Variants in CNBD1 observed in about 807,000 individuals in gnomAD.
The protein encoded by CNBD1 is cyclic nucleotide-binding domain-containing protein 1.
Under a neutral mutation model 54.4 loss-of-function variants are expected in CNBD1, and 71 were observed. That is an observed-to-expected ratio of 1.30 (90% CI 1.08 to 1.59). CNBD1 has a LOEUF of 1.59. Among genes scored for constraint, CNBD1 ranks in the 40% most tolerant of loss-of-function variants. The pLI is 0.00. For missense variants in CNBD1, 659 were observed against 518.0 expected (o/e 1.27, Z -2.64); for synonymous variants, 182 against 170.7 (o/e 1.07, Z -0.51).
intron 5 of CNBD1, among the ~76,000 whole-genome samples, chr8:87,234,774 A>G (rs1807537824): frequency 6.6e-6 from 1 of 152,134 alleles, no homozygotes; most frequent in South Asian, 2.1e-4. Context: ...GCTGACCTGC[A>G]TGTCACCATC....
intron 10 of CNBD1, among the ~76,000 whole-genome samples, chr8:87,364,592 G>T (rs115810697): frequency 6.6e-6 from 1 of 151,592 alleles, no homozygotes; most frequent in Non-Finnish European, 1.5e-5. Flanking sequence ...TGTCACCTAG[G>T]TATCAAGCCT....
downstream of CNBD1, among the ~76,000 whole-genome samples, chr8:87,385,663 C>A (rs1423343023): frequency 2.0e-5 from 3 of 152,116 alleles, no homozygotes; most frequent in African/African-American, 7.2e-5. Context: ...AGGAGGCCTA[C>A]CTGCCTCTGT....
In CNBD1 at chr8:87,342,735, A is replaced by G. The variant is rs948154101; in HGVS notation, c.1043-8950A>G. Among the ~76,000 whole-genome samples, 4 of 152,160 alleles carry G rather than the reference A, an allele frequency of 2.6e-5. No individual in the cohort carries two copies. In the East Asian group the frequency reaches 7.8e-4, roughly 30 times the overall value. On this transcript the variant is annotated intron_variant, in intron 8 of 10. Transcript: ENST00000518476. Reference sequence around the variant, plus strand: ...TTTTTATTAGGGATTTCAGAAGGGGAGGGGGCACACGAACAGGGAGTAGGT... The same window carrying G: ...TTTTTATTAGGGATTTCAGAAGGGGGGGGGGCACACGAACAGGGAGTAGGT...
chr8:87,144,847 G>A (rs1191120212), intron 4 of CNBD1, among the ~76,000 whole-genome samples: 1 of 150,930 alleles, frequency 6.6e-6, no homozygotes, highest in Non-Finnish European at 1.5e-5. Flanking sequence ...AAATACTTGA[G>A]TGAAAAAGAT....
chr8:87,243,193 T>C (rs1265519800), intron 6 of CNBD1, among the ~76,000 whole-genome samples: 2 of 152,208 alleles, frequency 1.3e-5, no homozygotes, highest in Non-Finnish European at 2.9e-5. Context: ...ATCAGATATC[T>C]AGAGAAAATT....
intron 2 of CNBD1, among the ~76,000 whole-genome samples, chr8:86,897,489 AACT>A (rs940568263): frequency 3.3e-5 from 5 of 152,162 alleles, no homozygotes; most frequent in Admixed American, 6.5e-5. Context: ...GATAGGCTAG[AACT>A]GCTAAGAAGG....
intron 4 of CNBD1, among the ~76,000 whole-genome samples, chr8:87,040,423 C>CTTTTTTT (rs71277911): frequency 6.2e-5 from 8 of 129,386 alleles, no homozygotes; most frequent in Non-Finnish European, 9.7e-5. Context: ...AATTCTTTTT[C>CTTTTTTT]TTTTTTTTTT....
chr8:87,122,671 C>T (rs76126549), intron 4 of CNBD1, among the ~76,000 whole-genome samples: 294 of 151,838 alleles, frequency 1.9e-3, no homozygotes, highest in African/African-American at 6.6e-3. Flanking sequence ...CTATTTTATT[C>T]GAGTAGTTTT....
intron 4 of CNBD1, among the ~76,000 whole-genome samples, chr8:87,171,748 C>T (rs575059156): frequency 4.6e-5 from 7 of 152,022 alleles, no homozygotes; most frequent in Admixed American, 2.0e-4. Flanking sequence ...AAGCAATTCT[C>T]TGCCTCAGCC....
rs1439009037 is a variant in CNBD1, at chr8:87,242,361, A to AT, written c.771+5249_771+5250insT. Among the ~76,000 whole-genome samples the AT allele has an allele frequency of 7.2e-3, 1,094 of 152,298 alleles. 12 individuals carry two copies. Among genetic ancestry groups the AT allele is most frequent in the African/African-American group, 0.025 (1,037 of 41,576 alleles). On this transcript the variant is annotated intron_variant, in intron 6 of 10. Coordinates refer to ENST00000518476, the MANE Select transcript of CNBD1 (RefSeq NM_173538.3). ...TTTTTAAGTCTGATATGAAACATTT[A>AT]CAATCTATTATGTCTGAAGCCTGCT...
At chr8:87,215,937 T>C (rs1008671789) in intron 5 of CNBD1, among the ~76,000 whole-genome samples, 1 of 152,194 alleles carries the variant, frequency 6.6e-6, no homozygotes, top group Non-Finnish European at 1.5e-5. Flanking sequence ...TCTCTATTTC[T>C]ATGGTTTTAT....
At chr8:87,009,387 G>C (rs901434147) in intron 4 of CNBD1, among the ~76,000 whole-genome samples, 1 of 151,952 alleles carries the variant, frequency 6.6e-6, no homozygotes, top group Non-Finnish European at 1.5e-5. Context: ...TGCAACCTCT[G>C]CCTTCTGGGT....
At chr8:86,880,097 G>A (rs912105993) in intron 1 of CNBD1, among the ~76,000 whole-genome samples, 1 of 152,156 alleles carries the variant, frequency 6.6e-6, no homozygotes, top group Non-Finnish European at 1.5e-5. Context: ...AGGGACATTA[G>A]TTAGGCCATT....
At chr8:87,252,317 A>G (rs1412755460) in intron 6 of CNBD1, among the ~76,000 whole-genome samples, 4 of 152,174 alleles carry the variant, frequency 2.6e-5, no homozygotes, top group African/African-American at 9.6e-5. Flanking sequence ...AACAATGATA[A>G]TTGACTCTCA....
At chr8:86,880,603 T>C (rs187999734) in intron 1 of CNBD1, among the ~76,000 whole-genome samples, 9 of 152,304 alleles carry the variant, frequency 5.9e-5, no homozygotes, top group African/African-American at 1.7e-4. Context: ...GACAACTGTA[T>C]TTTGAAAATA....
intron 2 of CNBD1, among the ~76,000 whole-genome samples, chr8:87,426,839 C>T (rs1808059308): frequency 1.3e-5 from 2 of 152,280 alleles, no homozygotes; most frequent in South Asian, 2.1e-4. Context: ...CCAAAAGGTA[C>T]AGTTCCTTAA....
At chr8:87,391,707 A>G (rs1811313928) in intron 2 of CNBD1, among the ~76,000 whole-genome samples, 1 of 152,098 alleles carries the variant, frequency 6.6e-6, no homozygotes, top group African/African-American at 2.4e-5. Context: ...GAGATCATAG[A>G]CTTAATTGTA....
At chr8:87,281,417 G>A (rs1306017625) in intron 6 of CNBD1, among the ~76,000 whole-genome samples, 1 of 150,676 alleles carries the variant, frequency 6.6e-6, no homozygotes, top group Non-Finnish European at 1.5e-5. Context: ...CTGAATTGAC[G>A]CTGGCATTTA....
intron 3 of CNBD1, among the ~76,000 whole-genome samples, chr8:86,935,594 T>C (rs1197103206): frequency 6.6e-6 from 1 of 152,160 alleles, no homozygotes. Flanking sequence ...GAAGTCTTCT[T>C]TTCCATTTCT....
Sources: allele counts gnomAD v4.1 joint callset (sites outside exome capture counted in the v4.1 genomes callset), GRCh38; gene constraint gnomAD v4.1.1; transcripts MANE v1.5; gene names NCBI Gene and HGNC (gene_info 2026-07-23, HGNC 2026-07-21).